HLA-DPA1: variants seen among roughly 807,000 people sequenced by gnomAD.
HLA-DPA1 encodes the protein major histocompatibility complex, class II, DP alpha 1.
Under a neutral mutation model 21.5 loss-of-function variants are expected in HLA-DPA1, and 20 were observed. The observed-to-expected ratio is 0.93, with a 90% CI of 0.66 to 1.35. The LOEUF (loss-of-function observed/expected upper bound fraction) is 1.35, where lower values mean the gene tolerates loss of function less well. Among genes scored for constraint, HLA-DPA1 ranks in the 40% most tolerant of loss-of-function variants. The pLI is 0.00. For synonymous variants in HLA-DPA1, 123 were observed against 129.6 expected, an observed-to-expected ratio of 0.95 and a Z score of 0.35; for missense variants, 279 against 323.0, an observed-to-expected ratio of 0.86 and a Z score of 1.05.
Position 33,080,291 on chromosome 6 carries a change from G to A in HLA-DPA1, c.-100+389C>T. 2.5e-6 allele frequency: 1 copy of A among 398,538 alleles called. No individual in the cohort carries two copies. Among genetic ancestry groups the A allele is most frequent in the Middle Eastern group, 8.7e-4 (1 of 1,150 alleles). 24.7% of individuals were successfully genotyped at this position (398,538 alleles called of 1,614,324 possible). A position where few individuals can be genotyped will look rare whatever the true frequency, so the allele number is the denominator to read the frequency against. ...TGTCAGTCAGGGAGTTAAGTAGGGG[G>A]AGCAGCTCCGCCCTCCACGTCCCCA... is the stretch of plus-strand genomic sequence containing the variant. On this transcript the variant is annotated intron_variant, in intron 1 of 5. Transcript: ENST00000419277. This position sits in a 1 kb window ranked among gnomAD's most constrained non-coding sequence, Gnocchi z 4.3.
intron 2 of HLA-DPA1, among the ~76,000 whole-genome samples, chr6:33,071,250 C>G (rs1270291038): frequency 6.6e-6 from 1 of 152,054 alleles, no homozygotes; most frequent in Non-Finnish European, 1.5e-5. Context: ...CAGTAAGTGG[C>G]CAAGCAAAGA....
chr6:33,069,609 G>A, intron 3 of HLA-DPA1, 32 bp downstream of exon 2: 1 of 1,609,404 alleles, frequency 6.2e-7, no homozygotes, highest in Non-Finnish European at 8.5e-7. Context: ...TTCCAGTTGG[G>A]CTACAGAGGA....
In HLA-DPA1 at chr6:33,069,632, AG is replaced by A. The variant is rs35320413; in HGVS notation, c.346+8del. 1 of 1,611,712 alleles carries A rather than the reference AG, an allele frequency of 6.2e-7. No homozygotes were observed. On this transcript the variant is annotated splice_region_variant and intron_variant, in intron 3 of 5. Coordinates refer to ENST00000419277, the Ensembl canonical transcript of HLA-DPA1. ...GGGCTACAGAGGAAGAGGCAAAGAT[AG>A]GGCGTACCGTTGGTGGCCTGAGTGT... is the stretch of plus-strand genomic sequence containing the variant.
At position 33,080,365 on chromosome 6, in the gene HLA-DPA1, TC is replaced by T; in HGVS notation, c.-100+314del. ...TCCCAGTGACCCCACGTGAAACGTCTCCGCCTCCTCCAGCCACCAGCAGAAG... is the reference window on the plus strand; with the variant it reads ...TCCCAGTGACCCCACGTGAAACGTCTCGCCTCCTCCAGCCACCAGCAGAAG... On this transcript the variant is annotated intron_variant, in intron 1 of 5. Coordinates refer to ENST00000419277, the Ensembl canonical transcript of HLA-DPA1. This position sits in a 1 kb window ranked among gnomAD's most constrained non-coding sequence, Gnocchi z 4.3. The T allele has an allele frequency of 1.7e-6, 1 of 589,100 alleles. No homozygotes were observed. The highest frequency in any genetic ancestry group is 3.3e-6 in the Non-Finnish European group (1 of 306,102). The allele number at this position is 589,100 out of a possible 1,614,324, so 36.5% of individuals were successfully genotyped here.
At chr6:33,067,131 C>T (rs1270199733) in intron 5 of HLA-DPA1, 1 of 152,196 alleles carries the variant, frequency 6.6e-6, no homozygotes, top group African/African-American at 2.4e-5. Flanking sequence ...ACAAGCATTG[C>T]TTGCAATAGT....
intron 2 of HLA-DPA1, among the ~76,000 whole-genome samples, chr6:33,072,592 C>T (rs1425901870): frequency 6.6e-6 from 1 of 152,212 alleles, no homozygotes; most frequent in East Asian, 1.9e-4. Context: ...AGCCTGACCT[C>T]CTCTTTATTC....
At position 33,077,450 on chromosome 6, in the gene HLA-DPA1, G is replaced by A. The variant is rs187332940; in HGVS notation, c.-100+3230C>T. On this transcript the variant is annotated intron_variant, in intron 1 of 5. Transcript: ENST00000419277. Reference sequence around the variant, plus strand: ...TATATATCCAGTAATGGGATGGCTGGGTCAAATGGTATTTCTAGTTCTAGA... The same window carrying A: ...TATATATCCAGTAATGGGATGGCTGAGTCAAATGGTATTTCTAGTTCTAGA... Among the ~76,000 whole-genome samples, 823 of 152,098 alleles carry A rather than the reference G, an allele frequency of 5.4e-3. 9 individuals carry two copies. Among genetic ancestry groups the A allele is most frequent in the African/African-American group, 0.018 (752 of 41,456 alleles).
At chr6:33,068,706 G>A in exon 5 of HLA-DPA1, 1 of 1,613,016 alleles carries the variant, frequency 6.2e-7, no homozygotes, top group Non-Finnish European at 8.5e-7. Context: ...TTTATGATGA[G>A]GACGGTGCCC....
intron 1 of HLA-DPA1, among the ~76,000 whole-genome samples, chr6:33,077,271 A>C (rs1176636927): frequency 6.6e-6 from 1 of 152,090 alleles, no homozygotes. Context: ...ATGGCTGCAC[A>C]GTATTCCATG....
At position 33,074,969 on chromosome 6, in the gene HLA-DPA1, T is replaced by C. The variant is rs141632878; in HGVS notation, c.-99-1300A>G. Among the ~76,000 whole-genome samples the C allele has an allele frequency of 3.6e-3, 543 of 152,342 alleles. 3 individuals carry two copies. The highest frequency in any genetic ancestry group is 0.026 in the East Asian group (133 of 5,188). ...TAGCCTTCTATTTACATTTTAATAT[T>C]GATTTAAAGAAATGATGCCAATTTG... is the stretch of plus-strand genomic sequence containing the variant. On this transcript the variant is annotated intron_variant, in intron 1 of 5. Transcript: ENST00000419277.
At chr6:33,075,189 A>G (rs1299936268) in intron 1 of HLA-DPA1, among the ~76,000 whole-genome samples, 1 of 152,026 alleles carries the variant, frequency 6.6e-6, no homozygotes, top group Non-Finnish European at 1.5e-5. Flanking sequence ...TATATTCTCT[A>G]TGGACTTTAT....
intron 1 of HLA-DPA1, among the ~76,000 whole-genome samples, chr6:33,075,719 A>G (rs1316729752): frequency 1.3e-5 from 2 of 152,242 alleles, no homozygotes; most frequent in East Asian, 1.9e-4. Context: ...GATCACCTTC[A>G]GAGCAAAGAA....
At position 33,068,571 on chromosome 6, in the gene HLA-DPA1, T is replaced by C. The variant is rs1444750611; in HGVS notation, c.*12+67A>G. 2.3e-6 allele frequency: 3 copies of C among 1,281,448 alleles called. No individual in the cohort carries two copies. In the African/African-American group the frequency reaches 4.6e-5, roughly 20 times the overall value. The allele number at this position is 1,281,448 out of a possible 1,614,324, so 79.4% of individuals were successfully genotyped here. A position where few individuals can be genotyped will look rare whatever the true frequency, so the allele number is the denominator to read the frequency against. On this transcript the variant is annotated intron_variant, in intron 5 of 5. Transcript: ENST00000419277. ...CCATTAGAAGATCAATGAACACTTA[T>C]CAGATTGAATTTTTCCTCCCTTCCT...
At chr6:33,070,669 G>A (rs766965575) in intron 2 of HLA-DPA1, among the ~76,000 whole-genome samples, 12 of 152,030 alleles carry the variant, frequency 7.9e-5, no homozygotes, top group Non-Finnish European at 1.5e-4. Flanking sequence ...AGTTATTTTG[G>A]CATTTGTTCC....
In HLA-DPA1 at chr6:33,064,656, G is replaced by A. The variant is rs1212063135; in HGVS notation, c.*704C>T. The A allele has an allele frequency of 3.3e-5, 5 of 152,146 alleles. No individual in the cohort carries two copies. The East Asian group carries it at 9.6e-4, about 29-fold the overall frequency. The allele number at this position is 152,146 out of a possible 1,614,324, so 9.4% of individuals were successfully genotyped here. On this transcript the variant is annotated 3_prime_UTR_variant, in exon 6 of 6. Transcript: ENST00000419277. ...GAAATATTGCTATAATTACAATACA[G>A]CCTTGGGAAGGAAGCTCAGGGGCTG...
chr6:33,080,444 T>A lies in HLA-DPA1; in HGVS notation c.-100+236A>T. The A allele has an allele frequency of 1.4e-6, 1 of 715,842 alleles. No homozygotes were observed. Among genetic ancestry groups the A allele is most frequent in the Non-Finnish European group, 2.5e-6 (1 of 392,158 alleles). The allele number at this position is 715,842 out of a possible 1,614,324, so 44.3% of individuals were successfully genotyped here. On this transcript the variant is annotated intron_variant, in intron 1 of 5. Transcript: ENST00000419277. This position sits in a 1 kb window ranked among gnomAD's most constrained non-coding sequence, Gnocchi z 4.3. Reference sequence around the variant, plus strand: ...CTCCCTAGTGATCACTCAGTGCCCCTGAGCTCATTCTTTTCAGTAAATTCT... The same window carrying A: ...CTCCCTAGTGATCACTCAGTGCCCCAGAGCTCATTCTTTTCAGTAAATTCT...
At chr6:33,071,057 A>G (rs200005596) in intron 2 of HLA-DPA1, among the ~76,000 whole-genome samples, 43,845 of 151,774 alleles carry the variant, frequency 0.29, 8,352 homozygotes, top group East Asian at 0.69. Context: ...GAACTACGGG[A>G]CTCTTCTGCT....
At chr6:33,071,068 C>G (rs138702937) in intron 2 of HLA-DPA1, among the ~76,000 whole-genome samples, 3 of 150,684 alleles carry the variant, frequency 2.0e-5, no homozygotes, top group Non-Finnish European at 4.4e-5. Flanking sequence ...CTCTTCTGCT[C>G]TCACCTCCCA....
At chr6:33,071,722 G>A (rs1460015467) in intron 2 of HLA-DPA1, among the ~76,000 whole-genome samples, 1 of 152,172 alleles carries the variant, frequency 6.6e-6, no homozygotes, top group Non-Finnish European at 1.5e-5. Context: ...TACACAAGAT[G>A]CGACCAAACA....
Sources: gnomAD v4.1 joint callset for allele counts (sites outside exome capture counted in the v4.1 genomes callset) on GRCh38, gnomAD v4.1.1 for gene constraint, Gnocchi (gnomAD v3.1) non-coding constraint, MANE v1.5 for transcripts, NCBI Gene and HGNC (gene_info 2026-07-23, HGNC 2026-07-21) for gene names.